The following HS6ST3 variants were observed in gnomAD, a reference collection of about 807,000 sequenced individuals.
HS6ST3 encodes the protein heparan sulfate 6-O-sulfotransferase 3.
A neutral mutation model predicts 36.7 loss-of-function variants in HS6ST3; 12 were observed. The observed-to-expected ratio is 0.33, with a 90% confidence interval of 0.21 to 0.53. The LOEUF is 0.53. HS6ST3 is among the 20% of genes least tolerant of loss of function. HS6ST3 has a pLI of 0.95. For synonymous variants in HS6ST3, 240 were observed against 257.5 expected (o/e 0.93, Z 0.65); for missense variants, 584 against 640.9 (o/e 0.91, Z 0.96).
intron 1 of HS6ST3, among the ~76,000 whole-genome samples, chr13:96,383,421 G>A (rs2055351476): frequency 6.6e-6 from 1 of 151,826 alleles, no homozygotes; most frequent in African/African-American, 2.4e-5. Flanking sequence ...CTCCAGCCTG[G>A]GTGATTGAGC....
chr13:96,599,066 G>A (rs899049920), intron 1 of HS6ST3, among the ~76,000 whole-genome samples: 1 of 152,080 alleles, frequency 6.6e-6, no homozygotes, highest in Admixed American at 6.6e-5. Context: ...GATTCAGTTT[G>A]CTAGTATTTT....
At chr13:96,762,376 A>T (rs1876991664) in intron 1 of HS6ST3, among the ~76,000 whole-genome samples, 1 of 152,158 alleles carries the variant, frequency 6.6e-6, no homozygotes, top group South Asian at 2.1e-4. Flanking sequence ...GCTACCTGGG[A>T]GGCTGAGGCA....
intron 1 of HS6ST3, among the ~76,000 whole-genome samples, chr13:96,223,655 G>A (rs79670336): frequency 1.5e-5 from 2 of 134,788 alleles, no homozygotes; most frequent in African/African-American, 5.2e-5. Context: ...AATGGATATG[G>A]GGGGGGGGAA....
At chr13:96,429,541 G>A (rs1258001739) in intron 1 of HS6ST3, among the ~76,000 whole-genome samples, 1 of 152,134 alleles carries the variant, frequency 6.6e-6, no homozygotes, top group Non-Finnish European at 1.5e-5. Flanking sequence ...TAGTTTGATC[G>A]ACAGCTACTT....
At chr13:96,315,913 A>G (rs2054966595) in intron 1 of HS6ST3, among the ~76,000 whole-genome samples, 1 of 152,202 alleles carries the variant, frequency 6.6e-6, no homozygotes, top group Non-Finnish European at 1.5e-5. Flanking sequence ...CCCTTTTAAG[A>G]AAAATGAGAG....
At chr13:96,276,431 A>G (rs2054748861) in intron 1 of HS6ST3, among the ~76,000 whole-genome samples, 1 of 152,150 alleles carries the variant, frequency 6.6e-6, no homozygotes, top group Non-Finnish European at 1.5e-5. Flanking sequence ...CCCAAACCTG[A>G]CTGGGAGCAC....
In HS6ST3 at chr13:96,090,816, G is replaced by T; in HGVS notation, c.-47G>T. On this transcript the variant is annotated 5_prime_UTR_variant, in exon 1 of 2. Transcript: ENST00000376705. ...TTCCGAGCGGGCGCCCGTCCGCCCT[G>T]CCGCCGCCGCCGCCGCCGCTTCGCC... 2 of 1,228,740 alleles carry T rather than the reference G, an allele frequency of 1.6e-6. No individual in the cohort carries two copies. Among genetic ancestry groups the T allele is most frequent in the Non-Finnish European group, 1.1e-6 (1 of 937,482 alleles). 76.1% of individuals were successfully genotyped at this position (1,228,740 alleles called of 1,614,324 possible).
intron 1 of HS6ST3, among the ~76,000 whole-genome samples, chr13:96,789,811 C>T (rs944044452): frequency 5.3e-5 from 8 of 151,250 alleles, no homozygotes; most frequent in African/African-American, 1.9e-4. Context: ...GTATGTAATA[C>T]AATACTTTTA....
At position 96,477,644 on chromosome 13, in the gene HS6ST3, C is replaced by T. The variant is rs780159961; in HGVS notation, c.708-354846C>T. 6.4e-4 allele frequency among the ~76,000 whole-genome samples: 98 copies of T among 152,066 alleles called. 1 individual carries two copies. The highest frequency in any genetic ancestry group is 2.4e-4 in the Non-Finnish European group (16 of 68,006). On this transcript the variant is annotated intron_variant, in intron 1 of 1. Coordinates refer to ENST00000376705, the MANE Select transcript of HS6ST3 (RefSeq NM_153456.4). ...CAGCACTTTGGAAGGCCAAGGCAGG[C>T]GCATCACTTGAGGTCAGGAGTTCAA...
At chr13:96,219,349 T>C (rs142573503) in intron 1 of HS6ST3, among the ~76,000 whole-genome samples, 132 of 152,334 alleles carry the variant, frequency 8.7e-4, no homozygotes, top group Non-Finnish European at 1.7e-3. Context: ...ACATCCACTC[T>C]CTTAGTTATT....
intron 1 of HS6ST3, among the ~76,000 whole-genome samples, chr13:96,636,836 A>G (rs1243850025): frequency 6.6e-6 from 1 of 152,092 alleles, no homozygotes; most frequent in Non-Finnish European, 1.5e-5. Flanking sequence ...GAATTTATAT[A>G]TATTTGGAGA....
chr13:96,542,732 C>G (rs2056183054), intron 1 of HS6ST3, among the ~76,000 whole-genome samples: 2 of 152,188 alleles, frequency 1.3e-5, no homozygotes, highest in Admixed American at 1.3e-4. Context: ...CAAGATCATT[C>G]AAGTATGTCC....
chr13:96,091,174 G>C lies in HS6ST3; in HGVS notation c.312G>C (p.Glu104Asp). 6.5e-7 allele frequency: 1 copy of C among 1,549,688 alleles called. No homozygotes were observed. The highest frequency in any genetic ancestry group is 8.7e-7 in the Non-Finnish European group (1 of 1,146,448). The change falls in exon 1 of 2, where the codon GAG (glutamate) becomes GAC (aspartate). Residue 104 changes from glutamate (E) to aspartate (D), a missense_variant. Around this residue, in one of 3 missense-constraint regions of HS6ST3, gnomAD observed 217 missense variants for 205.4 expected, o/e 1.06. Coordinates refer to ENST00000376705, the MANE Select transcript of HS6ST3 (RefSeq NM_153456.4). The stretch of plus-strand genomic sequence containing the variant: ...GAGACCCCCGGGAGGGGGAGGAAGA[G>C]GAGGAGGAAGACGAGCCGGACCCCG... ...EPGDPREGEE[E>D]EEEDEPDPEA...
intron 1 of HS6ST3, among the ~76,000 whole-genome samples, chr13:96,399,533 A>G (rs181276454): frequency 1.3e-5 from 2 of 152,372 alleles, no homozygotes; most frequent in Admixed American, 6.5e-5. Flanking sequence ...CTTAATTTAT[A>G]TAAATATTCT....
chr13:96,454,430 C>T (rs2055744955), intron 1 of HS6ST3, among the ~76,000 whole-genome samples: 2 of 152,156 alleles, frequency 1.3e-5, no homozygotes, highest in African/African-American at 4.8e-5. Flanking sequence ...GTAAACCTAA[C>T]ATTAATTGTA....
chr13:96,660,546 A>T (rs2056642782), intron 1 of HS6ST3, among the ~76,000 whole-genome samples: 1 of 152,180 alleles, frequency 6.6e-6, no homozygotes, highest in Non-Finnish European at 1.5e-5. Context: ...TTAAGGACTT[A>T]AACTTAAGAT....
chr13:96,199,406 G>A (rs972646893), intron 1 of HS6ST3, among the ~76,000 whole-genome samples: 5 of 152,168 alleles, frequency 3.3e-5, no homozygotes, highest in Non-Finnish European at 5.9e-5. Flanking sequence ...CAACCACAGA[G>A]TACGTCTTGA....
chr13:96,240,049 AT>A (rs1169210951), intron 1 of HS6ST3, among the ~76,000 whole-genome samples: 2 of 152,220 alleles, frequency 1.3e-5, no homozygotes, highest in Non-Finnish European at 2.9e-5. Flanking sequence ...AGAGTTGTGT[AT>A]TTCAAGCAAA....
intron 1 of HS6ST3, among the ~76,000 whole-genome samples, chr13:96,146,747 A>G (rs1350336755): frequency 6.6e-6 from 1 of 152,222 alleles, no homozygotes; most frequent in Non-Finnish European, 1.5e-5. Flanking sequence ...CACTTTGAGA[A>G]TACATTTCTT....
Sources: gnomAD v4.1 joint callset for allele counts (sites outside exome capture counted in the v4.1 genomes callset) on GRCh38, gnomAD v4.1.1 for gene constraint, gnomAD v4.1.1 regional missense constraint, MANE v1.5 for transcripts, NCBI Gene and HGNC (gene_info 2026-07-23, HGNC 2026-07-21) for gene names.